The following ALOXE3 variants were observed in gnomAD, a reference collection of about 807,000 sequenced individuals.
ALOXE3 encodes the protein arachidonate epidermal lipoxygenase 3, also known as hydroperoxide isomerase ALOXE3.
In ALOXE3, 78 loss-of-function variants were observed where a neutral mutation model predicts 87.5. That is an observed-to-expected ratio of 0.89 (90% CI 0.74 to 1.08). The LOEUF is 1.08. Ranked by LOEUF, ALOXE3 falls within the 50% of genes least tolerant of loss-of-function variation. The pLI is 0.00. For synonymous variants in ALOXE3, 363 were observed against 370.8 expected (o/e 0.98, Z 0.24); for missense variants, 946 against 912.4 (o/e 1.04, Z -0.47).
intron 7 of ALOXE3, 145 bp from the exon 8 acceptor site, chr17:8,111,676 C>A: frequency 1.2e-6 from 1 of 808,356 alleles, no homozygotes; most frequent in East Asian, 2.6e-5. Flanking sequence ...CAATTTAATA[C>A]TAGACACTAA....
chr17:8,108,591 T>A lies in ALOXE3; in HGVS notation c.1563-2A>T. The A allele has an allele frequency of 6.2e-7, 1 of 1,610,824 alleles. No homozygotes were observed. Among genetic ancestry groups the A allele is most frequent in the East Asian group, 2.2e-5 (1 of 44,766 alleles). ...TAGCCCACGATTTCTGAGACAAAGC[T>A]GCAGGAAAGAGATGCTGGTACCACT... On this transcript the variant is annotated splice_acceptor_variant, in intron 12 of 15. Coordinates refer to ENST00000448843, the MANE Select transcript of ALOXE3 (RefSeq NM_021628.3). LOFTEE classifies it high-confidence loss of function.
chr17:8,111,245 C>T lies in ALOXE3; in HGVS notation c.957+114G>A, dbSNP rs3027210. On this transcript the variant is annotated intron_variant, in intron 8 of 15. Transcript: ENST00000448843. ...CCATGGCTGCCCAGAGGATGAGGCC[C>T]ACAGGTGAAATGCAGCCCAGGCCAT... 0.53 allele frequency: 702,935 copies of T among 1,322,728 alleles called. 192,110 individuals are homozygous for T. The highest frequency in any genetic ancestry group is 0.57 in the Non-Finnish European group (531,892 of 933,690). 81.9% of individuals were successfully genotyped at this position (1,322,728 alleles called of 1,614,324 possible). A position where few individuals can be genotyped will look rare whatever the true frequency, so the allele number is the denominator to read the frequency against.
intron 13 of ALOXE3, among the ~76,000 whole-genome samples, chr17:8,107,093 C>G (rs1174044806): frequency 6.6e-6 from 1 of 152,086 alleles, no homozygotes; most frequent in Admixed American, 6.5e-5. Flanking sequence ...AATTAGATCC[C>G]CCTTTGGGTC....
Position 8,114,973 on chromosome 17 carries a change from C to G in ALOXE3, c.519G>C (p.Leu173Phe). The change falls in exon 5 of 16, where the codon TTG becomes TTC. Residue 173 changes from leucine to phenylalanine, a missense_variant. Leu to Phe is a conservative substitution (Grantham distance 22). Transcript: ENST00000448843. ...QEMESDKKFALTKTTTCVDQG... is the reference protein window; with the variant it reads ...QEMESDKKFAFTKTTTCVDQG... ...GGTCTACACAAGTTGTCGTCTTTGTCAAGGCAAATTTCTTGTCTGACTCCA... is the reference window on the plus strand; with the variant it reads ...GGTCTACACAAGTTGTCGTCTTTGTGAAGGCAAATTTCTTGTCTGACTCCA... 6.2e-7 allele frequency: 1 copy of G among 1,614,152 alleles called. No homozygotes were observed. The highest frequency in any genetic ancestry group is 8.5e-7 in the Non-Finnish European group (1 of 1,180,032).
intron 15 of ALOXE3, among the ~76,000 whole-genome samples, chr17:8,100,758 A>G (rs571592677): frequency 6.6e-6 from 1 of 152,278 alleles, no homozygotes; most frequent in Admixed American, 6.5e-5. Context: ...AGCTGGGACT[A>G]CAGGCCTGTG....
chr17:8,105,914 CAAA>C (rs1164518718), intron 13 of ALOXE3, among the ~76,000 whole-genome samples: 99 of 43,160 alleles, frequency 2.3e-3, no homozygotes, highest in African/African-American at 7.7e-3. Context: ...GACCCCGCCT[CAAA>C]AAAAAAAAAA....
intron 14 of ALOXE3, 136 bp downstream of exon 14, chr17:8,103,979 C>T (rs1979096349): frequency 4.0e-6 from 3 of 748,500 alleles, no homozygotes; most frequent in Admixed American, 2.0e-5. Context: ...CTTCACCCCA[C>T]TCAGCTGCCA....
Position 8,110,480 on chromosome 17 carries a change from T to TG in ALOXE3, c.1005dup (p.Thr336HisfsTer40). The TG allele has an allele frequency of 6.2e-7, 1 of 1,613,828 alleles. No individual in the cohort carries two copies. Among genetic ancestry groups the TG allele is most frequent in the Non-Finnish European group, 8.5e-7 (1 of 1,179,884 alleles). Reference sequence around the variant, plus strand: ...TGCTGGCGGCCGTTTAGGCAGTGGGTGGGGGCCTCCGCCAGGATCCAGTAG... The same window carrying TG: ...TGCTGGCGGCCGTTTAGGCAGTGGGTGGGGGGCCTCCGCCAGGATCCAGTAG... On this transcript the variant is annotated frameshift_variant, in exon 9 of 16. Transcript: ENST00000448843. LOFTEE classifies it high-confidence loss of function.
intron 3 of ALOXE3, 99 bp downstream of exon 3, chr17:8,116,677 C>T: frequency 2.1e-6 from 3 of 1,414,842 alleles, no homozygotes; most frequent in Non-Finnish European, 3.0e-6. Context: ...AGTTTCTGAC[C>T]TCAATCTTAT....
chr17:8,097,332 G>T (rs1598191119), intron 15 of ALOXE3, among the ~76,000 whole-genome samples: 2 of 152,020 alleles, frequency 1.3e-5, no homozygotes, highest in African/African-American at 4.8e-5. Context: ...TGATCCAACT[G>T]CTCTGTGAAC....
chr17:8,106,961 G>C (rs1362572447), intron 13 of ALOXE3, among the ~76,000 whole-genome samples: 1 of 152,148 alleles, frequency 6.6e-6, no homozygotes, highest in African/African-American at 2.4e-5. Context: ...TTTAAATGCT[G>C]TATATGAATC....
intron 15 of ALOXE3, 137 bp from the exon 16 acceptor site, chr17:8,096,943 C>T: frequency 1.0e-6 from 1 of 985,842 alleles, no homozygotes; most frequent in Non-Finnish European, 1.5e-6. Flanking sequence ...AAACACTTGC[C>T]CCAAACTGCC....
Position 8,109,266 on chromosome 17 carries a change from G to T in ALOXE3, c.1470C>A (p.Cys490Ter), listed in dbSNP as rs1462116914. ...CGCGGGCCCGCAGGCTGTCCGGAAG[G>T]CAGAAATTGGTGTAGGTGAAGTGGG... ...GLAHFTYTNF[C>*]LPDSLRARGV... The change falls in exon 12 of 16, where the codon TGC becomes TGA. Residue 490 changes from cysteine to a stop codon, truncating the protein, a stop_gained. Transcript: ENST00000448843. LOFTEE classifies it high-confidence loss of function. 1 of 1,614,170 alleles carries T rather than the reference G, an allele frequency of 6.2e-7. No homozygotes were observed. The highest frequency in any genetic ancestry group is 1.7e-5 in the Admixed American group (1 of 60,032).
chr17:8,096,926 C>T, intron 15 of ALOXE3, 120 bp from the exon 16 acceptor site: 1 of 1,171,118 alleles, frequency 8.5e-7, no homozygotes, highest in East Asian at 2.5e-5. Context: ...CCAGTTGCAG[C>T]CATTGTAAAC....
intron 3 of ALOXE3, 73 bp downstream of exon 3, chr17:8,116,703 G>A: frequency 4.0e-6 from 6 of 1,512,546 alleles, no homozygotes; most frequent in Non-Finnish European, 4.6e-6. Context: ...ATACTCTGGG[G>A]CTCTGTGAGA....
At chr17:8,101,798 C>T (rs1598196345) in intron 15 of ALOXE3, among the ~76,000 whole-genome samples, 1 of 152,164 alleles carries the variant, frequency 6.6e-6, no homozygotes, top group Non-Finnish European at 1.5e-5. Flanking sequence ...CACTAATACG[C>T]CCGATTAATT....
chr17:8,096,611 T>G lies in ALOXE3; in HGVS notation c.*16A>C. 9.1e-7 allele frequency: 1 copy of G among 1,098,572 alleles called. No homozygotes were observed. The highest frequency in any genetic ancestry group is 1.4e-6 in the Non-Finnish European group (1 of 709,386). The allele number at this position is 1,098,572 out of a possible 1,614,324, so 68.1% of individuals were successfully genotyped here. ...GCTTGGACCTTTCTTTCTTCTTGGGTGGTATTTGGGGGTGGTTAGATGGAG... is the reference window on the plus strand; with the variant it reads ...GCTTGGACCTTTCTTTCTTCTTGGGGGGTATTTGGGGGTGGTTAGATGGAG... On this transcript the variant is annotated 3_prime_UTR_variant, in exon 16 of 16. Transcript: ENST00000448843.
At chr17:8,097,315 T>G (rs1448078318) in intron 15 of ALOXE3, among the ~76,000 whole-genome samples, 1 of 152,042 alleles carries the variant, frequency 6.6e-6, no homozygotes, top group Non-Finnish European at 1.5e-5. Flanking sequence ...AAGGTCCCTT[T>G]CATACCTGAT....
chr17:8,116,785 G>T lies in ALOXE3; in HGVS notation c.343C>A (p.Pro115Thr), dbSNP rs758812999. The T allele has an allele frequency of 1.2e-6, 2 of 1,614,146 alleles. No individual in the cohort carries two copies. The highest frequency in any genetic ancestry group is 2.7e-5 in the African/African-American group (2 of 75,038). ...CTCGTCTCTGGCCCACCTGTTCCTG[G>T]CCTCAGCTCCACGGTGCAGTAGCCT... ...IEGYCTVELR[P>T]GTARTICQDS... The change falls in exon 3 of 16, where the codon CCA becomes ACA. Residue 115 changes from proline (P) to threonine (T), a missense_variant. Pro to Thr is a conservative substitution (Grantham distance 38, BLOSUM62 -1). Coordinates refer to ENST00000448843, the MANE Select transcript of ALOXE3 (RefSeq NM_021628.3).
Sources: gnomAD v4.1 joint callset for allele counts (sites outside exome capture counted in the v4.1 genomes callset) on GRCh38, gnomAD v4.1.1 for gene constraint, MANE v1.5 for transcripts, NCBI Gene and HGNC (gene_info 2026-07-23, HGNC 2026-07-21) for gene names.